Variants in CRB1 observed in about 807,000 individuals in gnomAD.
CRB1 encodes the protein crumbs cell polarity complex component 1, also known as protein crumbs homolog 1.
Under a neutral mutation model 120.0 loss-of-function variants are expected in CRB1, and 83 were observed. The observed-to-expected ratio is 0.69, with a 90% CI of 0.58 to 0.83. The LOEUF (loss-of-function observed/expected upper bound fraction) is 0.83, where lower values mean the gene tolerates loss of function less well. CRB1 is among the 40% of genes least tolerant of loss of function. The pLI is 0.00. For synonymous variants in CRB1, 625 were observed against 612.5 expected (o/e 1.02, Z -0.30); for missense variants, 1,699 against 1,687.6 (o/e 1.01, Z -0.12).
intron 1 of CRB1, among the ~76,000 whole-genome samples, chr1:197,269,505 ACACT>A (rs1312157553): frequency 6.6e-6 from 1 of 152,212 alleles, no homozygotes; most frequent in Non-Finnish European, 1.5e-5. Context: ...ACTGCAACGC[ACACT>A]CACAAAAGAT....
intron 5 of CRB1, among the ~76,000 whole-genome samples, chr1:197,379,490 C>T (rs1434822658): frequency 1.3e-5 from 2 of 149,442 alleles, no homozygotes; most frequent in African/African-American, 2.5e-5. Flanking sequence ...TTAGTGGAGA[C>T]AGGGTTTCAC....
At chr1:197,363,710 G>C (rs1477050546) in intron 5 of CRB1, 1 of 475,082 alleles carries the variant, frequency 2.1e-6, no homozygotes, top group Non-Finnish European at 4.0e-6. Flanking sequence ...TTTTGGAACT[G>C]TGTGTGGTTG....
At chr1:197,207,751 G>C in the CRB1 span, among the ~76,000 whole-genome samples, 1 of 151,904 alleles carries the variant, frequency 6.6e-6, no homozygotes, top group Non-Finnish European at 1.5e-5. Flanking sequence ...TCTTGTATTT[G>C]GATGTTTATG....
the CRB1 span, among the ~76,000 whole-genome samples, chr1:197,229,341 A>G: frequency 6.6e-6 from 1 of 152,206 alleles, no homozygotes; most frequent in Non-Finnish European, 1.5e-5. Flanking sequence ...GCCATTTTCT[A>G]TAAAGGAACT....
At chr1:197,409,285 T>C (rs998070573) in intron 5 of CRB1, among the ~76,000 whole-genome samples, 3 of 152,364 alleles carry the variant, frequency 2.0e-5, no homozygotes, top group East Asian at 1.9e-4. Flanking sequence ...ATTTTTCTGA[T>C]ATTAAGGTTG....
At chr1:197,251,732 G>A in the CRB1 span, among the ~76,000 whole-genome samples, 1 of 151,812 alleles carries the variant, frequency 6.6e-6, no homozygotes, top group Non-Finnish European at 1.5e-5. Flanking sequence ...CAAGTTTTCA[G>A]TGCAATATGG....
intron 11 of CRB1, among the ~76,000 whole-genome samples, chr1:197,464,229 A>G (rs964974959): frequency 6.6e-6 from 1 of 152,074 alleles, no homozygotes; most frequent in East Asian, 1.9e-4. Context: ...TCTCCTCACA[A>G]CACTGAAAAT....
Position 197,356,950 on chromosome 1 carries a change from C to T in CRB1, c.1108C>T (p.Pro370Ser), listed in dbSNP as rs201773650. The change falls in exon 5 of 12, where the codon CCT becomes TCT. Residue 370 changes from proline to serine, a missense_variant. Pro to Ser is a moderately conservative substitution (Grantham distance 74). Coordinates refer to ENST00000367400, the MANE Select transcript of CRB1 (RefSeq NM_201253.3). The part of the protein sequence containing the change: ...EKQYGRITGL[P>S]SSFSYHEASG... ...ACAATATGGACGCATCACTGGACTG[C>T]CTTCTTCTTTCAGCTACCATGAAGC... 3 of 1,614,198 alleles carry T rather than the reference C, an allele frequency of 1.9e-6. No homozygotes were observed. Among genetic ancestry groups the T allele is most frequent in the African/African-American group, 2.7e-5 (2 of 75,044 alleles).
chr1:197,377,321 G>A (rs1165496299), intron 5 of CRB1, among the ~76,000 whole-genome samples: 1 of 152,056 alleles, frequency 6.6e-6, no homozygotes, highest in African/African-American at 2.4e-5. Context: ...ACCTAGCACA[G>A]TGCCTAGCCC....
the CRB1 span, among the ~76,000 whole-genome samples, chr1:197,249,996 A>G: frequency 1.3e-5 from 2 of 151,916 alleles, no homozygotes; most frequent in Admixed American, 6.6e-5. Flanking sequence ...TACAAGCACC[A>G]TGCACTCCTG....
chr1:197,446,074 C>T (rs1377067187), intron 11 of CRB1, among the ~76,000 whole-genome samples: 1 of 151,982 alleles, frequency 6.6e-6, no homozygotes, highest in Non-Finnish European at 1.5e-5. Context: ...CCTGTAATCC[C>T]AGCCACTCAG....
At chr1:197,314,257 C>T (rs896545679) in intron 1 of CRB1, among the ~76,000 whole-genome samples, 1 of 152,092 alleles carries the variant, frequency 6.6e-6, no homozygotes, top group Admixed American at 6.5e-5. Context: ...TTCTGTTAAT[C>T]GTCTTCAGAT....
the CRB1 span, among the ~76,000 whole-genome samples, chr1:197,228,956 T>C: frequency 6.6e-6 from 1 of 152,158 alleles, no homozygotes; most frequent in Admixed American, 6.5e-5. Flanking sequence ...ACTTATTCAC[T>C]ACCATGAGAA....
intron 5 of CRB1, chr1:197,414,011 CTCT>C (rs1444531139): frequency 8.8e-6 from 4 of 453,030 alleles, no homozygotes; most frequent in African/African-American, 6.0e-5. Context: ...GTAACTAACT[CTCT>C]TCTTATATAC....
chr1:197,268,973 A>C (rs572191692), intron 1 of CRB1, among the ~76,000 whole-genome samples: 11 of 152,318 alleles, frequency 7.2e-5, no homozygotes, highest in Non-Finnish European at 4.4e-5. Context: ...ATAATGGTTC[A>C]AAGTGTTTCT....
the CRB1 span, among the ~76,000 whole-genome samples, chr1:197,258,600 G>A: frequency 1.6e-4 from 24 of 152,024 alleles, no homozygotes; most frequent in South Asian, 6.2e-4. Flanking sequence ...ACCCTCTTTC[G>A]TCTCTTCCAT....
intron 1 of CRB1, among the ~76,000 whole-genome samples, chr1:197,288,425 A>G (rs1165264149): frequency 6.6e-6 from 1 of 151,914 alleles, no homozygotes; most frequent in Non-Finnish European, 1.5e-5. Context: ...ACTTAAAAGA[A>G]CCAAACTGTT....
intron 1 of CRB1, among the ~76,000 whole-genome samples, chr1:197,285,721 G>A (rs1655787586): frequency 6.6e-6 from 1 of 151,878 alleles, no homozygotes; most frequent in Non-Finnish European, 1.5e-5. Flanking sequence ...GAAGCATTCT[G>A]TGCAGCAGTG....
rs372778560 is a variant in CRB1, at chr1:197,434,737, C to A, written c.2874C>A (p.Ser958Arg). Residue 958 changes from serine to arginine, a missense_variant, in exon 9 of 12, where the codon AGC (serine) becomes AGA (arginine). By Grantham distance (110) the Ser-to-Arg change is moderately radical. Transcript: ENST00000367400. The part of the protein sequence containing the change: ...CIANAVFNGQ[S>R]GQILFRSNGN... ...CAAATGCTGTTTTTAATGGACAAAG[C>A]GGTCAAATATTATTCAGAAGCAATG... is the stretch of plus-strand genomic sequence containing the variant. 6.2e-7 allele frequency: 1 copy of A among 1,613,400 alleles called. No individual in the cohort carries two copies. The highest frequency in any genetic ancestry group is 1.3e-5 in the African/African-American group (1 of 74,980).
Sources: gnomAD v4.1 joint callset for allele counts (sites outside exome capture counted in the v4.1 genomes callset) on GRCh38, gnomAD v4.1.1 for gene constraint, MANE v1.5 for transcripts, NCBI Gene and HGNC (gene_info 2026-07-23, HGNC 2026-07-21) for gene names.